The following PLEKHM3 variants were observed in gnomAD, a reference collection of about 807,000 sequenced individuals.
PLEKHM3 encodes pleckstrin homology domain containing M3, also known as pleckstrin homology domain-containing family M member 3.
PLEKHM3 carries 45 observed loss-of-function variants against 81.8 expected under a neutral mutation model. The ratio of observed to expected loss-of-function variants is 0.55; its 90% CI spans 0.43 to 0.71. The LOEUF is 0.71. Among genes scored for constraint, PLEKHM3 ranks in the 30% least tolerant of loss-of-function variants. PLEKHM3 has a pLI of 0.00. For synonymous variants in PLEKHM3, 352 were observed against 356.4 expected (o/e 0.99, Z 0.14); for missense variants, 788 against 924.3 (o/e 0.85, Z 1.91).
rs367774955 is a variant in PLEKHM3 at position 207,858,178 on chromosome 2, A to ATT, written c.2108+2926_2108+2927insAA. Reference sequence around the variant, plus strand: ...TGTGTGTGTGTGTGTGTGTGTGTATATATTTTTTTTTTTGAGATGAAGTCT... The same window carrying ATT: ...TGTGTGTGTGTGTGTGTGTGTGTATATTTATTTTTTTTTTTGAGATGAAGTCT... On this transcript the variant is annotated intron_variant, in intron 7 of 7. Coordinates refer to ENST00000427836, the MANE Select transcript of PLEKHM3 (RefSeq NM_001080475.3). Among the ~76,000 whole-genome samples, 328 of 44,390 alleles carry ATT rather than the reference A, an allele frequency of 7.4e-3. 9 individuals are homozygous for ATT. The highest frequency in any genetic ancestry group is 0.027 in the African/African-American group (310 of 11,594). The allele number at this position is 44,390 out of a possible 152,430, so 29.1% of individuals were successfully genotyped here.
In PLEKHM3 at chr2:207,825,802, A is replaced by G. The variant is rs1004152784; in HGVS notation, c.*2517T>C. On this transcript the variant is annotated 3_prime_UTR_variant, in exon 8 of 8. Coordinates refer to ENST00000427836, the MANE Select transcript of PLEKHM3 (RefSeq NM_001080475.3). ...CAGCTCTGGGTAGCTGATGGTGATA[A>G]CACATCGATTTTTTGTTTCCCTTTT... 2.0e-5 allele frequency: 3 copies of G among 152,166 alleles called. No homozygotes were observed. Among genetic ancestry groups the G allele is most frequent in the African/African-American group, 7.2e-5 (3 of 41,434 alleles). 9.4% of individuals were successfully genotyped at this position (152,166 alleles called of 1,614,324 possible).
At chr2:207,939,527 G>T (rs1256591548) in intron 4 of PLEKHM3, among the ~76,000 whole-genome samples, 1 of 152,186 alleles carries the variant, frequency 6.6e-6, no homozygotes. Context: ...TAAGAGAATT[G>T]TATTTGTCCT....
chr2:207,828,265 C>G lies in PLEKHM3; in HGVS notation c.*54G>C. On this transcript the variant is annotated 3_prime_UTR_variant, in exon 8 of 8. Coordinates refer to ENST00000427836, the MANE Select transcript of PLEKHM3 (RefSeq NM_001080475.3). Reference sequence around the variant, plus strand: ...CTAACTGGCTAGTTAGGAGGCCGCTCTGGGGCTGATGGATTGTTGATTGGT... The same window carrying G: ...CTAACTGGCTAGTTAGGAGGCCGCTGTGGGGCTGATGGATTGTTGATTGGT... 3 of 1,569,266 alleles carry G rather than the reference C, an allele frequency of 1.9e-6. No individual in the cohort carries two copies. Among genetic ancestry groups the G allele is most frequent in the Non-Finnish European group, 2.6e-6 (3 of 1,156,160 alleles).
chr2:207,908,403 T>C (rs192993454), intron 6 of PLEKHM3, 111 bp downstream of exon 6: 1 of 981,996 alleles, frequency 1.0e-6, no homozygotes, highest in East Asian at 2.6e-5. Context: ...TTATCAGGGT[T>C]TCTGATGAAA....
At chr2:207,855,339 A>G (rs1254907980) in intron 7 of PLEKHM3, among the ~76,000 whole-genome samples, 2 of 152,192 alleles carry the variant, frequency 1.3e-5, no homozygotes, top group African/African-American at 4.8e-5. Flanking sequence ...TGAACAATAA[A>G]ATATAGTACT....
At chr2:207,897,238 C>T (rs1438721248) in intron 6 of PLEKHM3, among the ~76,000 whole-genome samples, 2 of 152,130 alleles carry the variant, frequency 1.3e-5, no homozygotes, top group African/African-American at 2.4e-5. Context: ...CCCTACGGAA[C>T]ATGAGGGGGA....
intron 3 of PLEKHM3, among the ~76,000 whole-genome samples, chr2:207,952,539 A>G (rs1278268692): frequency 6.6e-6 from 1 of 152,234 alleles, no homozygotes; most frequent in Admixed American, 6.5e-5. Context: ...AAGTAGTGAA[A>G]TTTTGAACCT....
chr2:207,874,192 A>G (rs2092549246), intron 6 of PLEKHM3, among the ~76,000 whole-genome samples: 1 of 152,150 alleles, frequency 6.6e-6, no homozygotes, highest in Non-Finnish European at 1.5e-5. Flanking sequence ...AAAGGTGGGG[A>G]AGATGAATTT....
intron 3 of PLEKHM3, among the ~76,000 whole-genome samples, 200 bp from the exon 4 acceptor site, chr2:207,946,712 G>T (rs975819825): frequency 6.6e-6 from 1 of 152,076 alleles, no homozygotes; most frequent in South Asian, 2.1e-4. Flanking sequence ...CACCTCCTAG[G>T]GTATTGCTGT....
rs546199878 is a variant in PLEKHM3 at position 207,972,141 on chromosome 2, A to G, written c.1546+4510T>C. On this transcript the variant is annotated intron_variant, in intron 3 of 7. Coordinates refer to ENST00000427836, the MANE Select transcript of PLEKHM3 (RefSeq NM_001080475.3). ...GTCTGCTTTCCTCCAGCACTGACCC[A>G]TCTAGGTGCATCCAAGTTTCTGGGC... Among the ~76,000 whole-genome samples, 11 of 152,358 alleles carry G rather than the reference A, an allele frequency of 7.2e-5. No individual in the cohort carries two copies. The East Asian group carries it at 2.1e-3, about 29-fold the overall frequency.
chr2:207,872,166 C>T (rs1478922265), intron 6 of PLEKHM3, among the ~76,000 whole-genome samples: 2 of 152,184 alleles, frequency 1.3e-5, no homozygotes, highest in Non-Finnish European at 2.9e-5. Flanking sequence ...CTGAGGGCAT[C>T]TGAGGTCAGA....
At position 207,828,306 on chromosome 2, in the gene PLEKHM3, G is replaced by T. The variant is rs370203453; in HGVS notation, c.*13C>A. 1 of 1,600,606 alleles carries T rather than the reference G, an allele frequency of 6.2e-7. No individual in the cohort carries two copies. Among genetic ancestry groups the T allele is most frequent in the Admixed American group, 1.7e-5 (1 of 58,944 alleles). The stretch of plus-strand genomic sequence containing the variant: ...GTTGATTGGTGAATCCCTGGCCTTC[G>T]GGTCGGCTGGAGTCAGGTGTTCTGG... On this transcript the variant is annotated 3_prime_UTR_variant, in exon 8 of 8. Coordinates refer to ENST00000427836, the MANE Select transcript of PLEKHM3 (RefSeq NM_001080475.3).
At chr2:208,017,715 G>A (rs1452320410) in intron 1 of PLEKHM3, among the ~76,000 whole-genome samples, 1 of 151,978 alleles carries the variant, frequency 6.6e-6, no homozygotes, top group East Asian at 1.9e-4. Flanking sequence ...CTCCCCTCAA[G>A]AAGCAGTCTG....
At chr2:208,022,175 G>GCACTGCA (rs1212181496) in intron 1 of PLEKHM3, among the ~76,000 whole-genome samples, 1 of 152,208 alleles carries the variant, frequency 6.6e-6, no homozygotes, top group Non-Finnish European at 1.5e-5. Flanking sequence ...AGTGTCTGCT[G>GCACTGCA]CACTGCACAC....
In PLEKHM3 at chr2:207,861,231, C is replaced by A. The variant is rs771626973; in HGVS notation, c.1982G>T (p.Gly661Val). 3 of 1,613,900 alleles carry A rather than the reference C, an allele frequency of 1.9e-6. No individual in the cohort carries two copies. The African/African-American group carries it at 4.0e-5, about 22-fold the overall frequency. Residue 661 changes from glycine (G) to valine (V), a missense_variant, in exon 7 of 8, where the codon GGC becomes GTC. By Grantham distance (109) the Gly-to-Val change is moderately radical (BLOSUM62 -3). Transcript: ENST00000427836. ...TGAGGTGGCAAATTTAATGACCTTGCCCAAGAATGGAGCCAGCTTTCCCTC... is the reference window on the plus strand; with the variant it reads ...TGAGGTGGCAAATTTAATGACCTTGACCAAGAATGGAGCCAGCTTTCCCTC... ...VIEGKLAPFL[G>V]KVIKFATSHV...
chr2:208,009,440 A>G (rs1190196718), intron 1 of PLEKHM3, among the ~76,000 whole-genome samples: 1 of 152,148 alleles, frequency 6.6e-6, no homozygotes, highest in African/African-American at 2.4e-5. Flanking sequence ...AACATATACT[A>G]TATGCTGCAT....
intron 1 of PLEKHM3, among the ~76,000 whole-genome samples, chr2:208,011,548 G>A (rs1381189239): frequency 1.3e-5 from 2 of 152,016 alleles, no homozygotes; most frequent in African/African-American, 4.8e-5. Context: ...TCACAAATGG[G>A]AGCTAAGCTA....
At chr2:207,896,831 G>C (rs1688240257) in intron 6 of PLEKHM3, among the ~76,000 whole-genome samples, 1 of 152,228 alleles carries the variant, frequency 6.6e-6, no homozygotes, top group Non-Finnish European at 1.5e-5. Context: ...TCTCTCCGCA[G>C]CTGTAGAAAG....
At chr2:207,848,226 T>TC (rs1278039188) in intron 7 of PLEKHM3, among the ~76,000 whole-genome samples, 1 of 152,088 alleles carries the variant, frequency 6.6e-6, no homozygotes, top group Non-Finnish European at 1.5e-5. Context: ...CCTGCCTCCA[T>TC]CCCCACCCCT....
Sources: allele counts gnomAD v4.1 joint callset (sites outside exome capture counted in the v4.1 genomes callset), GRCh38; gene constraint gnomAD v4.1.1; transcripts MANE v1.5; gene names NCBI Gene and HGNC (gene_info 2026-07-23, HGNC 2026-07-21).